PTPRD: variants seen among roughly 807,000 people sequenced by gnomAD.
PTPRD encodes the protein receptor-type tyrosine-protein phosphatase delta.
A neutral mutation model predicts 214.5 loss-of-function variants in PTPRD; 34 were observed. The observed-to-expected ratio is 0.16, with a 90% confidence interval of 0.12 to 0.21. The LOEUF (loss-of-function observed/expected upper bound fraction) is 0.21, where lower values mean the gene tolerates loss of function less well. PTPRD is among the 10% of genes least tolerant of loss of function. The pLI, the probability that PTPRD is intolerant of heterozygous loss-of-function variation, is 1.00. For synonymous variants in PTPRD, 1,128 were observed against 845.7 expected (o/e 1.33, Z -5.79); for missense variants, 2,545 against 2,398.7 (o/e 1.06, Z -1.27).
At chr9:10,205,780 G>A (rs2099471460) in intron 3 of PTPRD, among the ~76,000 whole-genome samples, 1 of 152,062 alleles carries the variant, frequency 6.6e-6, no homozygotes, top group South Asian at 2.1e-4. Context: ...GAATTTTAAA[G>A]TAATTCAACT....
intron 5 of PTPRD, among the ~76,000 whole-genome samples, chr9:9,925,460 T>C (rs553328938): frequency 1.3e-4 from 20 of 152,250 alleles, no homozygotes; most frequent in Non-Finnish European, 2.8e-4. Context: ...ATTATATAAA[T>C]AATCTTTGAA....
chr9:9,208,253 A>C (rs1164095137), intron 9 of PTPRD, among the ~76,000 whole-genome samples: 1 of 151,492 alleles, frequency 6.6e-6, no homozygotes, highest in Admixed American at 6.6e-5. Flanking sequence ...TGACCTTCTG[A>C]TCTGCCCGCC....
chr9:9,424,476 G>C (rs1377549988), intron 8 of PTPRD, among the ~76,000 whole-genome samples: 4 of 152,256 alleles, frequency 2.6e-5, no homozygotes, highest in African/African-American at 4.8e-5. Context: ...GGGTGAAGTG[G>C]GGTGGGATGA....
intron 5 of PTPRD, among the ~76,000 whole-genome samples, chr9:9,885,874 T>A (rs2070694373): frequency 6.6e-6 from 1 of 151,080 alleles, no homozygotes; most frequent in Non-Finnish European, 1.5e-5. Flanking sequence ...AAAAAAACCA[T>A]GGCCAAAAAG....
At chr9:9,646,402 T>C (rs958422890) in intron 7 of PTPRD, among the ~76,000 whole-genome samples, 1 of 151,702 alleles carries the variant, frequency 6.6e-6, no homozygotes, top group South Asian at 2.1e-4. Context: ...TGTTTTCTAA[T>C]TCCATTGTTG....
At chr9:9,869,942 G>A (rs1272684202) in intron 5 of PTPRD, among the ~76,000 whole-genome samples, 1 of 151,964 alleles carries the variant, frequency 6.6e-6, no homozygotes, top group African/African-American at 2.4e-5. Context: ...TGCTAATTTT[G>A]TAAAGTTTGT....
intron 12 of PTPRD, among the ~76,000 whole-genome samples, chr9:8,715,376 C>T (rs1205236894): frequency 6.6e-6 from 1 of 152,180 alleles, no homozygotes; most frequent in Non-Finnish European, 1.5e-5. Flanking sequence ...CAGGAGTGCA[C>T]AGACCCTACC....
chr9:10,260,962 G>GTA (rs953084732), intron 3 of PTPRD, among the ~76,000 whole-genome samples: 13 of 147,418 alleles, frequency 8.8e-5, no homozygotes, highest in Non-Finnish European at 1.5e-4. Context: ...ATGTGTGTGT[G>GTA]TATATATATA....
chr9:10,140,326 A>AT (rs1394144607), intron 3 of PTPRD, among the ~76,000 whole-genome samples: 5 of 141,710 alleles, frequency 3.5e-5, no homozygotes, highest in East Asian at 2.2e-4. Flanking sequence ...ACAATCATTA[A>AT]TAAAAAAAAA....
intron 3 of PTPRD, among the ~76,000 whole-genome samples, chr9:10,275,256 C>T (rs983192593): frequency 6.6e-6 from 1 of 152,030 alleles, no homozygotes; most frequent in Non-Finnish European, 1.5e-5. Context: ...AAAGAAGTTT[C>T]TTAAGTAAAG....
At chr9:8,388,990 T>C (rs1388494895) in intron 37 of PTPRD, among the ~76,000 whole-genome samples, 3 of 151,502 alleles carry the variant, frequency 2.0e-5, no homozygotes, top group African/African-American at 7.3e-5. Context: ...TCCTTTTTTT[T>C]TTTTTTTTTT....
At chr9:10,090,152 G>C (rs35965960) in intron 3 of PTPRD, among the ~76,000 whole-genome samples, 11,809 of 151,508 alleles carry the variant, frequency 0.078, 627 homozygotes, top group Non-Finnish European at 0.12. Context: ...CCCAGTAACT[G>C]TTATTTCACT....
At chr9:10,440,526 A>G (rs1428108860) in intron 2 of PTPRD, among the ~76,000 whole-genome samples, 1 of 151,750 alleles carries the variant, frequency 6.6e-6, no homozygotes, top group African/African-American at 2.4e-5. Context: ...GAAAAAGGAG[A>G]AAGAACTGGT....
At chr9:9,155,603 A>G (rs1049451886) in intron 10 of PTPRD, among the ~76,000 whole-genome samples, 1 of 152,162 alleles carries the variant, frequency 6.6e-6, no homozygotes, top group Admixed American at 6.6e-5. Flanking sequence ...CAGATGCTCT[A>G]AGTGAAGACA....
chr9:9,493,787 C>CAAAAAAAAAAAA (rs750252052), intron 8 of PTPRD, among the ~76,000 whole-genome samples: 2 of 54,464 alleles, frequency 3.7e-5, no homozygotes, highest in Admixed American at 2.1e-4. Context: ...GACTCCGTCT[C>CAAAAAAAAAAAA]AAAAAAAAAA....
intron 39 of PTPRD, among the ~76,000 whole-genome samples, chr9:8,372,362 C>T (rs2081811415): frequency 6.6e-6 from 1 of 152,002 alleles, no homozygotes; most frequent in South Asian, 2.1e-4. Context: ...TTACTGCATA[C>T]TTCTATATGC....
At chr9:8,342,100 A>T (rs534843160) in intron 39 of PTPRD, 122 bp from the exon 40 acceptor site, 8 of 1,044,018 alleles carry the variant, frequency 7.7e-6, no homozygotes, top group Non-Finnish European at 1.1e-5. Context: ...TCAAATAGCT[A>T]TTGGGATGAC....
Position 9,736,987 on chromosome 9 carries a change from A to G in PTPRD, c.-325-2416T>C, listed in dbSNP as rs79203125. Among the ~76,000 whole-genome samples, 421 of 152,180 alleles carry G rather than the reference A, an allele frequency of 2.8e-3. 2 individuals carry two copies. Among genetic ancestry groups the G allele is most frequent in the African/African-American group, 9.6e-3 (397 of 41,548 alleles). On this transcript the variant is annotated intron_variant, in intron 6 of 45. Coordinates refer to ENST00000381196, the MANE Select transcript of PTPRD (RefSeq NM_002839.4). ...TTATGTGTCCTGTTTATTACATAAA[A>G]TAATCATATATACACATCTGTATTT...
At chr9:10,393,406 C>T (rs1047329756) in intron 2 of PTPRD, among the ~76,000 whole-genome samples, 1 of 151,436 alleles carries the variant, frequency 6.6e-6, no homozygotes, top group African/African-American at 2.4e-5. Context: ...ACATTAGACC[C>T]ATTTCTTTCA....
Sources: allele counts gnomAD v4.1 joint callset (sites outside exome capture counted in the v4.1 genomes callset), GRCh38; gene constraint gnomAD v4.1.1; transcripts MANE v1.5; gene names NCBI Gene and HGNC (gene_info 2026-07-23, HGNC 2026-07-21).